MTG1: variants seen among roughly 807,000 people sequenced by gnomAD.
MTG1 encodes mitochondrial ribosome-associated GTPase 1.
In MTG1, 30 loss-of-function variants were observed where a neutral mutation model predicts 39.5. The observed-to-expected ratio is 0.76, with a 90% CI of 0.57 to 1.03. The LOEUF is 1.03. Ranked by LOEUF, MTG1 falls within the 50% of genes least tolerant of loss-of-function variation. The pLI is 0.00. For missense variants in MTG1, 513 were observed against 447.4 expected, an observed-to-expected ratio of 1.15 and a Z score of -1.32; for synonymous variants, 217 against 179.0, an observed-to-expected ratio of 1.21 and a Z score of -1.69.
intron 9 of MTG1, among the ~76,000 whole-genome samples, chr10:133,413,929 T>C (rs966058209): frequency 1.3e-5 from 2 of 151,626 alleles, no homozygotes; most frequent in Non-Finnish European, 2.9e-5. Flanking sequence ...TTTTTTTTTT[T>C]TTTTTATTGA....
chr10:133,396,292 T>G (rs1177245667), intron 3 of MTG1, 25 bp downstream of exon 3: 9 of 1,579,474 alleles, frequency 5.7e-6, no homozygotes, highest in Non-Finnish European at 7.0e-6. Flanking sequence ...CTCAGACGCC[T>G]TCAGCAGTGT....
chr10:133,408,290 T>C (rs1270501806), intron 9 of MTG1, among the ~76,000 whole-genome samples: 1 of 152,266 alleles, frequency 6.6e-6, no homozygotes, highest in Non-Finnish European at 1.5e-5. Flanking sequence ...TGAATTTTAT[T>C]GAATGCTTTT....
chr10:133,403,882 A>G (rs543131685), intron 9 of MTG1, among the ~76,000 whole-genome samples: 9 of 152,050 alleles, frequency 5.9e-5, no homozygotes, highest in Non-Finnish European at 1.2e-4. Context: ...ACACTGTTTT[A>G]TATGCTGGCA....
chr10:133,408,068 T>A (rs1232258940), intron 9 of MTG1, among the ~76,000 whole-genome samples: 1 of 152,250 alleles, frequency 6.6e-6, no homozygotes, highest in Admixed American at 6.5e-5. Context: ...TTTCTTTCTC[T>A]TGCCTAATTG....
intron 1 of MTG1, among the ~76,000 whole-genome samples, chr10:133,395,144 C>T (rs1014456951): frequency 5.3e-5 from 8 of 152,138 alleles, no homozygotes; most frequent in African/African-American, 1.9e-4. Context: ...GCTTGTAATC[C>T]CAGTACTTTG....
In MTG1 at chr10:133,402,597, T is replaced by C; in HGVS notation, c.671-95T>C. On this transcript the variant is annotated intron_variant, in intron 8 of 10. Coordinates refer to ENST00000317502, the MANE Select transcript of MTG1 (RefSeq NM_138384.4). This position sits in a 1 kb window ranked among gnomAD's most constrained non-coding sequence, Gnocchi z 4.7. ...GGCTGGCCTCTTCCTCACGGCACGG[T>C]GTCTTTGGGCTAGGACTGGAAGGGA... is the stretch of plus-strand genomic sequence containing the variant. 8.9e-7 allele frequency: 1 copy of C among 1,126,732 alleles called. No homozygotes were observed. The highest frequency in any genetic ancestry group is 1.3e-6 in the Non-Finnish European group (1 of 778,508). 69.8% of individuals were successfully genotyped at this position (1,126,732 alleles called of 1,614,324 possible).
chr10:133,401,945 C>T (rs1045745067), intron 7 of MTG1: 17 of 614,264 alleles, frequency 2.8e-5, no homozygotes, highest in Non-Finnish European at 4.3e-5. Flanking sequence ...TGGGACCTGA[C>T]GCTTTTATTT....
intron 9 of MTG1, 47 bp from the exon 10 acceptor site, chr10:133,419,433 G>C (rs896927368): frequency 6.6e-7 from 1 of 1,511,898 alleles, no homozygotes; most frequent in Non-Finnish European, 9.0e-7. Flanking sequence ...CTGGCCGCGC[G>C]GTGTCAGTGC....
In MTG1 at chr10:133,396,073, G is replaced by A. The variant is rs1405998596; in HGVS notation, c.178-90G>A. 3 of 1,183,214 alleles carry A rather than the reference G, an allele frequency of 2.5e-6. No homozygotes were observed. In the African/African-American group the frequency reaches 4.5e-5, roughly 18 times the overall value. The allele number at this position is 1,183,214 out of a possible 1,614,324, so 73.3% of individuals were successfully genotyped here. A position where few individuals can be genotyped will look rare whatever the true frequency, so the allele number is the denominator to read the frequency against. On this transcript the variant is annotated intron_variant, in intron 2 of 10. Coordinates refer to ENST00000317502, the MANE Select transcript of MTG1 (RefSeq NM_138384.4). ...TCTCCTGTACTTGAGGAATGAATTG[G>A]CAGGATGTGATGATTCGTTCACTGA...
intron 6 of MTG1, 55 bp from the exon 7 acceptor site, chr10:133,401,474 C>G (rs375858260): frequency 3.4e-6 from 5 of 1,456,478 alleles, no homozygotes; most frequent in African/African-American, 2.8e-5. Flanking sequence ...CCTACTTGTT[C>G]TGCAGCTTCT....
chr10:133,397,044 C>T (rs2133491602), intron 3 of MTG1, among the ~76,000 whole-genome samples: 1 of 152,328 alleles, frequency 6.6e-6, no homozygotes, highest in South Asian at 2.1e-4. Context: ...TGACATCAGT[C>T]AGGCCTGCCC....
intron 6 of MTG1, among the ~76,000 whole-genome samples, chr10:133,400,686 A>G (rs1261732021): frequency 6.6e-6 from 1 of 152,210 alleles, no homozygotes; most frequent in African/African-American, 2.4e-5. Context: ...TTATAGGGTT[A>G]TGCAGCCAGC....
Position 133,396,220 on chromosome 10 carries a change from T to C in MTG1, c.235T>C (p.Leu79=). 6.2e-7 allele frequency: 1 copy of C among 1,614,234 alleles called. No individual in the cohort carries two copies. Among genetic ancestry groups the C allele is most frequent in the Non-Finnish European group, 8.5e-7 (1 of 1,180,036 alleles). ...FQETLGLKPH[L]LVLNKMDLAD... The stretch of plus-strand genomic sequence containing the variant: ...GGAAACCCTTGGGCTTAAGCCTCAC[T>C]TGCTGGTCCTCAACAAGATGGACTT... Residue 79 remains leucine (L), a synonymous_variant, in exon 3 of 11, where the codon TTG becomes CTG. Coordinates refer to ENST00000317502, the MANE Select transcript of MTG1 (RefSeq NM_138384.4).
intron 7 of MTG1, chr10:133,401,806 C>T: frequency 1.4e-6 from 1 of 696,348 alleles, no homozygotes; most frequent in East Asian, 2.7e-5. Context: ...ACGCTGTTTT[C>T]CCCATTTCCA....
rs1849949242 is a variant in MTG1, at chr10:133,404,969, C to T, written c.752+2196C>T. ...TCAGGCAGTGCTGGTAGCCCCCACT[C>T]TTCTTTGTCAAAATTGCTTTGTCTT... On this transcript the variant is annotated intron_variant, in intron 9 of 10. Coordinates refer to ENST00000317502, the MANE Select transcript of MTG1 (RefSeq NM_138384.4). Among the ~76,000 whole-genome samples, 4 of 152,182 alleles carry T rather than the reference C, an allele frequency of 2.6e-5. No individual in the cohort carries two copies. In the South Asian group the frequency reaches 8.3e-4, roughly 32 times the overall value.
In MTG1 at chr10:133,399,380, G is replaced by A. The variant is rs942569970; in HGVS notation, c.421-149G>A. The A allele has an allele frequency of 3.6e-5, 42 of 1,179,348 alleles. No homozygotes were observed. The African/African-American group carries it at 4.2e-4, about 12-fold the overall frequency. The allele number at this position is 1,179,348 out of a possible 1,614,324, so 73.1% of individuals were successfully genotyped here. A position where few individuals can be genotyped will look rare whatever the true frequency, so the allele number is the denominator to read the frequency against. On this transcript the variant is annotated intron_variant, in intron 5 of 10. Transcript: ENST00000317502. ...CTCTTCAGTGGAAAGGGCCGAGGCC[G>A]TCCCCGCTGGGTGGGCAGAGCCTCG...
chr10:133,405,087 C>G (rs1193781069), intron 9 of MTG1, among the ~76,000 whole-genome samples: 1 of 152,114 alleles, frequency 6.6e-6, no homozygotes, highest in African/African-American at 2.4e-5. Context: ...GGCAGATTCC[C>G]CTGAATTTAT....
chr10:133,399,605 A>G lies in MTG1; in HGVS notation c.497A>G (p.Gln166Arg), dbSNP rs756004106. Residue 166 changes from glutamine (Q) to arginine (R), a missense_variant, in exon 6 of 11, where the codon CAG (glutamine) becomes CGG (arginine). Coordinates refer to ENST00000317502, the MANE Select transcript of MTG1 (RefSeq NM_138384.4). ...KSSLINSLRR[Q>R]HLRKGKATRV... ...TCCCTCATCAACTCCCTCCGGAGGC[A>G]GCACCTCAGGAAAGGTACTGGCGCG... 8 of 1,614,214 alleles carry G rather than the reference A, an allele frequency of 5.0e-6. No homozygotes were observed. The highest frequency in any genetic ancestry group is 2.2e-5 in the East Asian group (1 of 44,878).
chr10:133,407,654 C>T (rs1484799637), intron 9 of MTG1, among the ~76,000 whole-genome samples: 2 of 151,766 alleles, frequency 1.3e-5, no homozygotes, highest in East Asian at 1.9e-4. Flanking sequence ...CCGCAACCTC[C>T]GCTTCCTGGG....
Sources: gnomAD v4.1 joint callset for allele counts (sites outside exome capture counted in the v4.1 genomes callset) on GRCh38, gnomAD v4.1.1 for gene constraint, Gnocchi (gnomAD v3.1) non-coding constraint, MANE v1.5 for transcripts, NCBI Gene and HGNC (gene_info 2026-07-23, HGNC 2026-07-21) for gene names.